The following CCDC33 variants were observed in gnomAD, a reference collection of about 807,000 sequenced individuals.
The protein encoded by CCDC33 is coiled-coil domain-containing protein 33.
In CCDC33, 94 loss-of-function variants were observed where a neutral mutation model predicts 91.9. The observed-to-expected ratio is 1.02, with a 90% CI of 0.87 to 1.21. CCDC33 has a LOEUF of 1.21. CCDC33 is among the 50% of genes most tolerant of loss of function. CCDC33 has a pLI of 0.00. For missense variants in CCDC33, 940 were observed against 935.5 expected, an observed-to-expected ratio of 1.00 and a Z score of -0.06; for synonymous variants, 396 against 374.5, an observed-to-expected ratio of 1.06 and a Z score of -0.66.
At chr15:74,261,535 C>T (rs1453990208) in intron 2 of CCDC33, among the ~76,000 whole-genome samples, 3 of 152,192 alleles carry the variant, frequency 2.0e-5, no homozygotes, top group African/African-American at 7.2e-5. Context: ...TCTTGCCTCC[C>T]TCCGCAAGGT....
At chr15:74,251,076 C>G (rs1203147359) in intron 2 of CCDC33, among the ~76,000 whole-genome samples, 1 of 152,252 alleles carries the variant, frequency 6.6e-6, no homozygotes, top group Non-Finnish European at 1.5e-5. Flanking sequence ...CAGTCCTTGC[C>G]TTCTCTGAGC....
At chr15:74,246,563 T>C (rs988510943) in intron 2 of CCDC33, among the ~76,000 whole-genome samples, 1 of 152,126 alleles carries the variant, frequency 6.6e-6, no homozygotes, top group Non-Finnish European at 1.5e-5. Context: ...AACAGGCACA[T>C]GAAAAGGTGC....
chr15:74,229,034 G>A (rs574226753), intron 2 of CCDC33, among the ~76,000 whole-genome samples: 1 of 152,294 alleles, frequency 6.6e-6, no homozygotes, highest in Non-Finnish European at 1.5e-5. Context: ...CGGCTGCAGA[G>A]CCAACCCTGA....
intron 1 of CCDC33, among the ~76,000 whole-genome samples, chr15:74,238,447 T>C (rs1025999733): frequency 2.6e-5 from 4 of 151,740 alleles, no homozygotes; most frequent in Admixed American, 6.6e-5. Flanking sequence ...CATGTATATA[T>C]AATACATATT....
intron 11 of CCDC33, among the ~76,000 whole-genome samples, chr15:74,310,459 C>T (rs970823930): frequency 6.6e-6 from 1 of 151,746 alleles, no homozygotes; most frequent in African/African-American, 2.4e-5. Flanking sequence ...ATAGCTTGAA[C>T]CCAGGAGACA....
intron 9 of CCDC33, among the ~76,000 whole-genome samples, chr15:74,281,305 T>C (rs917896527): frequency 1.3e-5 from 2 of 152,220 alleles, no homozygotes; most frequent in African/African-American, 4.8e-5. Flanking sequence ...AACATGACCA[T>C]GGGAAAACTA....
intron 4 of CCDC33, among the ~76,000 whole-genome samples, chr15:74,267,823 TCA>T (rs2076207992): frequency 6.6e-6 from 1 of 152,146 alleles, no homozygotes; most frequent in Non-Finnish European, 1.5e-5. Context: ...CAGTAGGTGC[TCA>T]GTTTGGTCAG....
At chr15:74,318,438 C>A in intron 11 of CCDC33, 1 of 542,526 alleles carries the variant, frequency 1.8e-6, no homozygotes, top group East Asian at 3.5e-5. Flanking sequence ...AGCCACCCCA[C>A]CCAGACACCC....
At chr15:74,227,411 G>A (rs1215577790) in intron 2 of CCDC33, among the ~76,000 whole-genome samples, 2 of 152,186 alleles carry the variant, frequency 1.3e-5, no homozygotes, top group Non-Finnish European at 2.9e-5. Flanking sequence ...AGGATCACGG[G>A]GAAGCACTTT....
chr15:74,296,794 T>C (rs371631035), intron 11 of CCDC33, among the ~76,000 whole-genome samples: 1 of 152,194 alleles, frequency 6.6e-6, no homozygotes, highest in East Asian at 1.9e-4. Flanking sequence ...GAGTCAGTGC[T>C]GGGTTTCAGC....
At chr15:74,269,995 G>A (rs558528369) in intron 5 of CCDC33, among the ~76,000 whole-genome samples, 1 of 152,254 alleles carries the variant, frequency 6.6e-6, no homozygotes, top group Admixed American at 6.5e-5. Flanking sequence ...TGAGCAATAG[G>A]GCCTGCCAGC....
Position 74,331,210 on chromosome 15 carries a change from A to G in CCDC33, c.1685A>G (p.Glu562Gly). The G allele has an allele frequency of 6.2e-7, 1 of 1,614,156 alleles. No individual in the cohort carries two copies. Among genetic ancestry groups the G allele is most frequent in the Non-Finnish European group, 8.5e-7 (1 of 1,180,004 alleles). ...CTCTGCTCTGCTCTCCAGGTGATCG[A>G]GAAGATGGAGCGGGTGCTGGAGGAC... ...ETVRHQEKVI[E>G]KMERVLEDRL... The change falls in exon 15 of 19, where the codon GAG becomes GGG. Residue 562 changes from glutamate to glycine, a missense_variant. Physicochemically the swap from Glu to Gly is moderately conservative, Grantham distance 98. Coordinates refer to ENST00000398814, the MANE Select transcript of CCDC33 (RefSeq NM_025055.5).
intron 11 of CCDC33, among the ~76,000 whole-genome samples, chr15:74,306,844 CGA>C (rs1298265417): frequency 6.6e-6 from 1 of 152,116 alleles, no homozygotes; most frequent in Non-Finnish European, 1.5e-5. Context: ...AATTTACTGC[CGA>C]GAGAGGGTTG....
At chr15:74,285,233 C>T (rs1223972473) in intron 10 of CCDC33, among the ~76,000 whole-genome samples, 1 of 152,192 alleles carries the variant, frequency 6.6e-6, no homozygotes, top group Non-Finnish European at 1.5e-5. Flanking sequence ...GTTTTGGGCA[C>T]AGGCTGTCCT....
intron 11 of CCDC33, chr15:74,301,846 C>A (rs2059801045): frequency 6.6e-6 from 1 of 152,000 alleles, no homozygotes; most frequent in Non-Finnish European, 1.5e-5. Context: ...CTCTCTCTCG[C>A]TCTCTCTCTT....
intron 1 of CCDC33, 51 bp downstream of exon 1, chr15:74,236,791 A>C: frequency 6.3e-7 from 1 of 1,583,734 alleles, no homozygotes; most frequent in Non-Finnish European, 8.6e-7. Context: ...TCCCTCCTTC[A>C]AAGTCCTTCC....
At chr15:74,295,583 A>T (rs2059669112) in intron 10 of CCDC33, among the ~76,000 whole-genome samples, 171 bp from the exon 11 acceptor site, 1 of 152,104 alleles carries the variant, frequency 6.6e-6, no homozygotes, top group Non-Finnish European at 1.5e-5. Flanking sequence ...AGGGCCATGT[A>T]TTTGGGACCC....
chr15:74,282,107 T>G (rs2059379476), intron 10 of CCDC33, among the ~76,000 whole-genome samples: 1 of 152,248 alleles, frequency 6.6e-6, no homozygotes. Context: ...TCTGGCTCAC[T>G]GGGATCGAGG....
intron 6 of CCDC33, among the ~76,000 whole-genome samples, 196 bp from the exon 7 acceptor site, chr15:74,272,575 C>A (rs2076346655): frequency 6.6e-6 from 1 of 152,212 alleles, no homozygotes; most frequent in Non-Finnish European, 1.5e-5. Flanking sequence ...AGCCCCCTTG[C>A]TTGTTGGAGG....
Sources: allele counts gnomAD v4.1 joint callset (sites outside exome capture counted in the v4.1 genomes callset), GRCh38; gene constraint gnomAD v4.1.1; transcripts MANE v1.5; gene names NCBI Gene and HGNC (gene_info 2026-07-23, HGNC 2026-07-21).